The following FOXJ3 variants were observed in gnomAD, a reference collection of about 807,000 sequenced individuals.
FOXJ3 encodes forkhead box protein J3.
A neutral mutation model predicts 76.1 loss-of-function variants in FOXJ3; 22 were observed. The ratio of observed to expected loss-of-function variants is 0.29; its 90% confidence interval spans 0.21 to 0.41. The LOEUF (loss-of-function observed/expected upper bound fraction) is 0.41. Ranked by LOEUF, FOXJ3 falls within the 10% of genes least tolerant of loss-of-function variation. The probability of loss-of-function intolerance (pLI) is 1.00; values close to 1 mark genes in which losing one functional copy is unlikely to be tolerated. For missense variants in FOXJ3, 613 were observed against 762.1 expected (o/e 0.80, Z 2.30); for synonymous variants, 269 against 261.2 (o/e 1.03, Z -0.29).
intron 1 of FOXJ3, among the ~76,000 whole-genome samples, chr1:42,331,451 G>A (rs956767177): frequency 2.6e-5 from 4 of 152,002 alleles, no homozygotes; most frequent in East Asian, 1.9e-4. Flanking sequence ...GGCTATCAAC[G>A]TAGTATATAC....
At chr1:42,305,040 G>A (rs992264771) in intron 2 of FOXJ3, among the ~76,000 whole-genome samples, 2 of 152,064 alleles carry the variant, frequency 1.3e-5, no homozygotes, top group Non-Finnish European at 2.9e-5. Context: ...TCAAATAACT[G>A]TATAGGAGAA....
intron 4 of FOXJ3, among the ~76,000 whole-genome samples, chr1:42,248,155 G>A (rs546846198): frequency 6.6e-6 from 1 of 152,210 alleles, no homozygotes; most frequent in African/African-American, 2.4e-5. Flanking sequence ...TTTTTGGGAG[G>A]GATGAAATGA....
intron 4 of FOXJ3, among the ~76,000 whole-genome samples, chr1:42,246,012 G>A (rs576475999): frequency 3.9e-5 from 6 of 152,092 alleles, no homozygotes; most frequent in East Asian, 3.9e-4. Context: ...AATTCAACTC[G>A]AAATGGATTA....
At chr1:42,188,257 C>T (rs629602) in intron 11 of FOXJ3, among the ~76,000 whole-genome samples, 50,046 of 151,928 alleles carry the variant, frequency 0.33, 9,835 homozygotes, top group African/African-American at 0.56. Context: ...AAAAAATATA[C>T]AGGAAAGATT....
chr1:42,279,810 A>T (rs1054641399), intron 2 of FOXJ3, among the ~76,000 whole-genome samples: 9 of 151,470 alleles, frequency 5.9e-5, no homozygotes, highest in African/African-American at 2.2e-4. Context: ...ACAACAAAAT[A>T]AAAAAAAACT....
intron 8 of FOXJ3, 65 bp downstream of exon 8, chr1:42,194,825 T>A: frequency 2.0e-6 from 2 of 999,178 alleles, no homozygotes; most frequent in South Asian, 3.3e-5. Flanking sequence ...AGCTGCCATG[T>A]GAAATAATTT....
chr1:42,207,214 A>AATC (rs1205710339), intron 5 of FOXJ3, among the ~76,000 whole-genome samples: 1 of 152,186 alleles, frequency 6.6e-6, no homozygotes, highest in Non-Finnish European at 1.5e-5. Flanking sequence ...GGCCTCTGAT[A>AATC]ATCACCAATC....
rs948796125 is a variant in FOXJ3 at position 42,196,469 on chromosome 1, G to C, written c.760-1405C>G. Among the ~76,000 whole-genome samples, 11 of 152,250 alleles carry C rather than the reference G, an allele frequency of 7.2e-5. No individual in the cohort carries two copies. In the East Asian group the frequency reaches 2.1e-3, roughly 29 times the overall value. ...GCACTTTAAGAGGCCGAGGCGGGCG[G>C]ATCACCTGAAGTCAGAAGTTCGAGA... On this transcript the variant is annotated intron_variant, in intron 7 of 12. Coordinates refer to ENST00000361346, the MANE Select transcript of FOXJ3 (RefSeq NM_014947.5).
intron 4 of FOXJ3, among the ~76,000 whole-genome samples, chr1:42,250,914 G>A (rs1449826937): frequency 2.6e-5 from 2 of 75,592 alleles, no homozygotes; most frequent in Admixed American, 3.7e-4. Flanking sequence ...CAAACCTGAA[G>A]AACAAAAAGA....
At chr1:42,282,041 A>T (rs1222800844) in intron 2 of FOXJ3, among the ~76,000 whole-genome samples, 1 of 151,898 alleles carries the variant, frequency 6.6e-6, no homozygotes, top group Middle Eastern at 3.2e-3. Flanking sequence ...CCTGGGCAAC[A>T]GAGCGAGACT....
chr1:42,303,515 G>A (rs1654283056), intron 2 of FOXJ3, among the ~76,000 whole-genome samples: 1 of 152,134 alleles, frequency 6.6e-6, no homozygotes, highest in African/African-American at 2.4e-5. Context: ...TAAACAGCAG[G>A]GTCATCAATT....
intron 4 of FOXJ3, among the ~76,000 whole-genome samples, chr1:42,231,797 C>T (rs190156452): frequency 2.6e-5 from 4 of 152,078 alleles, no homozygotes; most frequent in East Asian, 3.9e-4. Flanking sequence ...CCCACCCCCA[C>T]GCCTGTTTTT....
intron 4 of FOXJ3, among the ~76,000 whole-genome samples, chr1:42,257,809 ATGT>A (rs1403049601): frequency 1.3e-5 from 2 of 152,246 alleles, no homozygotes; most frequent in Non-Finnish European, 2.9e-5. Context: ...ATAAACTTAA[ATGT>A]TGTTATTCCC....
At chr1:42,216,593 C>T (rs1647073744) in intron 5 of FOXJ3, among the ~76,000 whole-genome samples, 1 of 151,360 alleles carries the variant, frequency 6.6e-6, no homozygotes, top group Non-Finnish European at 1.5e-5. Context: ...AAAGTTATAA[C>T]ACTGTCTTAT....
At chr1:42,249,565 A>T (rs1032032464) in intron 4 of FOXJ3, among the ~76,000 whole-genome samples, 6 of 152,256 alleles carry the variant, frequency 3.9e-5, no homozygotes, top group Non-Finnish European at 7.3e-5. Flanking sequence ...ACCAATCTTA[A>T]AATGGCAAAA....
At position 42,207,264 on chromosome 1, in the gene FOXJ3, CAT is replaced by C. The variant is rs1375397585; in HGVS notation, c.529-1403_529-1402del. Among the ~76,000 whole-genome samples, 6 of 152,174 alleles carry C rather than the reference CAT, an allele frequency of 3.9e-5. No homozygotes were observed. In the East Asian group the frequency reaches 1.2e-3, roughly 29 times the overall value. On this transcript the variant is annotated intron_variant, in intron 5 of 12. Coordinates refer to ENST00000361346, the MANE Select transcript of FOXJ3 (RefSeq NM_014947.5). ...ATGTAATCCACTTTTTTAGCTACCA[CAT>C]ATGAGTGAGAATACGCAATATTTGT...
rs1646850275 is a variant in FOXJ3, at chr1:42,205,819, C to A, written c.573G>T (p.Glu191Asp). The change falls in exon 6 of 13, where the codon GAG becomes GAT. Residue 191 changes from glutamate (E) to aspartate (D), a missense_variant. Glu to Asp is a conservative substitution (Grantham distance 45). Coordinates refer to ENST00000361346, the MANE Select transcript of FOXJ3 (RefSeq NM_014947.5). ...YSIDSDSLGMECIISGSASPT... is the reference protein window; with the variant it reads ...YSIDSDSLGMDCIISGSASPT... Reference sequence around the variant, plus strand: ...GAGAGGCACTTCCCGAAATAATACACTCCATTCCCAAAGAATCTGAATCTA... The same window carrying A: ...GAGAGGCACTTCCCGAAATAATACAATCCATTCCCAAAGAATCTGAATCTA... 6.2e-7 allele frequency: 1 copy of A among 1,612,178 alleles called. No homozygotes were observed. The highest frequency in any genetic ancestry group is 1.3e-5 in the African/African-American group (1 of 74,896).
In FOXJ3 at chr1:42,311,024, T is replaced by C. The variant is rs766755425; in HGVS notation, c.44+26A>G. 12 of 1,449,184 alleles carry C rather than the reference T, an allele frequency of 8.3e-6. No homozygotes were observed. In the East Asian group the frequency reaches 2.9e-4, roughly 35 times the overall value. 89.8% of individuals were successfully genotyped at this position (1,449,184 alleles called of 1,614,324 possible). A position where few individuals can be genotyped will look rare whatever the true frequency, so the allele number is the denominator to read the frequency against. On this transcript the variant is annotated intron_variant, in intron 2 of 12. Coordinates refer to ENST00000361346, the MANE Select transcript of FOXJ3 (RefSeq NM_014947.5). ...ACTTTTAAAATGTTATATGTTCTAA[T>C]AAAGAAAAAAAAAAAGAGCACTCAC...
chr1:42,183,496 ACAATG>A (rs909049900), intron 11 of FOXJ3, among the ~76,000 whole-genome samples: 3 of 151,870 alleles, frequency 2.0e-5, no homozygotes, highest in African/African-American at 7.3e-5. Context: ...ACGTTACATC[ACAATG>A]CAAAAGAGAG....
Sources: allele counts gnomAD v4.1 joint callset (sites outside exome capture counted in the v4.1 genomes callset), GRCh38; gene constraint gnomAD v4.1.1; transcripts MANE v1.5; gene names NCBI Gene and HGNC (gene_info 2026-07-23, HGNC 2026-07-21).